The following EPG5 variants were observed in gnomAD, a reference collection of about 807,000 sequenced individuals.
EPG5 encodes ectopic P-granules 5 autophagy tethering factor.
Under a neutral mutation model 302.7 loss-of-function variants are expected in EPG5, and 159 were observed. That is an observed-to-expected ratio of 0.53 (90% CI 0.46 to 0.60). The LOEUF (loss-of-function observed/expected upper bound fraction) is 0.60. EPG5 is among the 20% of genes least tolerant of loss of function. The probability of loss-of-function intolerance (pLI) is 0.00; values close to 1 mark genes in which losing one functional copy is unlikely to be tolerated. For synonymous variants in EPG5, 1,158 were observed against 1,136.8 expected (o/e 1.02, Z -0.37); for missense variants, 2,896 against 3,092.4 (o/e 0.94, Z 1.51).
At chr18:45,875,930 G>A (rs570780429) in intron 35 of EPG5, among the ~76,000 whole-genome samples, 30 of 152,000 alleles carry the variant, frequency 2.0e-4, no homozygotes, top group African/African-American at 5.8e-4. Context: ...GGCGGCATGC[G>A]CTTGTAGTCC....
chr18:45,934,322 C>A (rs186340460), intron 11 of EPG5, among the ~76,000 whole-genome samples: 1 of 152,070 alleles, frequency 6.6e-6, no homozygotes, highest in East Asian at 1.9e-4. Context: ...AATAAATATC[C>A]TGTAGTTTAG....
In EPG5 at chr18:45,952,492, A is replaced by T. The variant is rs777287772; in HGVS notation, c.1160T>A (p.Val387Glu). Residue 387 changes from valine to glutamate, a missense_variant, in exon 3 of 44, where the codon GTG (valine) becomes GAG (glutamate). Coordinates refer to ENST00000282041, the MANE Select transcript of EPG5 (RefSeq NM_020964.3). ...QTLALHSYTS[V>E]LSRLQVESYI... The stretch of plus-strand genomic sequence containing the variant: ...AGACTCCACTTGCAATCTTGAGAGC[A>T]CAGAAGTATAAGAATGAAGGGCCAG... 3 of 1,614,108 alleles carry T rather than the reference A, an allele frequency of 1.9e-6. No homozygotes were observed. In the Admixed American group the frequency reaches 5.0e-5, roughly 27 times the overall value.
At chr18:45,945,039 GACCATTAAAAAGGACGCT>G (rs1204734434) in intron 7 of EPG5, among the ~76,000 whole-genome samples, 1 of 152,100 alleles carries the variant, frequency 6.6e-6, no homozygotes, top group Non-Finnish European at 1.5e-5. Context: ...CTTAGGACAT[GACCATTAAAAAGGACGCT>G]ACCATTAAAA....
rs781150178 is a variant in EPG5, at chr18:45,866,906, A to T, written c.6513T>A (p.His2171Gln). ...TTGCCAGGATGATGGACGGCGGGTA[A>T]TGGCTGCTGAAATAACTTAGCACAC... ...YQSVLSYFSS[H>Q]YPPSIILAKE... The change falls in exon 38 of 44, where the codon CAT (histidine) becomes CAA (glutamine). Residue 2171 changes from histidine to glutamine, a missense_variant. His to Gln is a conservative substitution (Grantham distance 24, BLOSUM62 0). Around this residue, in one of 5 missense-constraint regions of EPG5, gnomAD observed 620 missense variants for 704.2 expected, o/e 0.88. Coordinates refer to ENST00000282041, the MANE Select transcript of EPG5 (RefSeq NM_020964.3). 1 of 1,614,150 alleles carries T rather than the reference A, an allele frequency of 6.2e-7. No individual in the cohort carries two copies. The highest frequency in any genetic ancestry group is 8.5e-7 in the Non-Finnish European group (1 of 1,179,958).
Position 45,901,130 on chromosome 18 carries a change from C to T in EPG5, c.4512G>A (p.Glu1504=), listed in dbSNP as rs1383375601. 1 of 1,614,018 alleles carries T rather than the reference C, an allele frequency of 6.2e-7. No individual in the cohort carries two copies. Among genetic ancestry groups the T allele is most frequent in the African/African-American group, 1.3e-5 (1 of 74,922 alleles). Residue 1504 remains glutamate, a synonymous_variant, in exon 26 of 44, where the codon GAG becomes GAA. Transcript: ENST00000282041. ...GCAGAGCAAGGGGAGGCTGGGGAGC[C>T]TCATGCTTCCGCAAGTTACTTAAAA... ...ERVLSNLRKH[E]APQPPLALHP... is the part of the protein sequence containing the mutation.
chr18:45,876,304 G>A lies in EPG5; in HGVS notation c.5981C>T (p.Thr1994Ile), dbSNP rs777008903. Reference sequence around the variant, plus strand: ...CTGCACAATGCTTGAGGCCACCACAGTATCACTCTCTAGCCAGGGGTAATG... The same window carrying A: ...CTGCACAATGCTTGAGGCCACCACAATATCACTCTCTAGCCAGGGGTAATG... ...QRHYPWLESD[T>I]VVASSIVQLF... Residue 1994 changes from threonine (T) to isoleucine (I), a missense_variant, in exon 35 of 44, where the codon ACT becomes ATT. Thr to Ile is a moderately conservative substitution (Grantham distance 89). Around this residue, in one of 5 missense-constraint regions of EPG5, gnomAD observed 32 missense variants for 58.4 expected, o/e 0.55. Transcript: ENST00000282041. 59 of 1,613,924 alleles carry A rather than the reference G, an allele frequency of 3.7e-5. No individual in the cohort carries two copies. The highest frequency in any genetic ancestry group is 4.7e-5 in the Non-Finnish European group (55 of 1,179,954).
intron 10 of EPG5, among the ~76,000 whole-genome samples, chr18:45,938,651 T>C (rs115237510): frequency 0.016 from 2,454 of 152,252 alleles, 60 homozygotes; most frequent in African/African-American, 0.056. Flanking sequence ...AAAAGTCCTT[T>C]ATGGTTTAAA....
At chr18:45,899,732 C>A (rs974697937) in intron 26 of EPG5, among the ~76,000 whole-genome samples, 166 bp from the exon 27 acceptor site, 2 of 152,096 alleles carry the variant, frequency 1.3e-5, no homozygotes, top group Admixed American at 1.3e-4. Flanking sequence ...CAAATCATCC[C>A]CCAGCAGAGA....
chr18:45,916,553 T>G lies in EPG5; in HGVS notation c.3269A>C (p.His1090Pro). ...QFLSHLLLFL[H>P]LDSGVPQGVT... ...ACCCTGAGGGACACCGCTGTCCAAG[T>G]GTAGGAACAAGAGGAGATGCGATAA... The change falls in exon 18 of 44, where the codon CAC becomes CCC. Residue 1090 changes from histidine to proline, a missense_variant. By Grantham distance (77) the His-to-Pro change is moderately conservative (BLOSUM62 -2). Coordinates refer to ENST00000282041, the MANE Select transcript of EPG5 (RefSeq NM_020964.3). 1 of 1,608,674 alleles carries G rather than the reference T, an allele frequency of 6.2e-7. No individual in the cohort carries two copies. Among genetic ancestry groups the G allele is most frequent in the Non-Finnish European group, 8.5e-7 (1 of 1,175,546 alleles).
chr18:45,956,751 C>A (rs2051043121), intron 1 of EPG5, among the ~76,000 whole-genome samples: 1 of 151,604 alleles, frequency 6.6e-6, no homozygotes, highest in South Asian at 2.1e-4. Flanking sequence ...TAGTTTTAAT[C>A]ATTGTTCCAT....
chr18:45,929,833 C>T (rs1012167731), intron 12 of EPG5, among the ~76,000 whole-genome samples: 1 of 152,314 alleles, frequency 6.6e-6, no homozygotes, highest in Admixed American at 6.5e-5. Context: ...ATAGGAACAG[C>T]TGAATCAAGT....
At chr18:45,842,271 G>C in the EPG5 span, 1 of 1,503,944 alleles carries the variant, frequency 6.6e-7, no homozygotes, top group Non-Finnish European at 9.2e-7. Flanking sequence ...GCCAGTCCTG[G>C]TTCTCGGGCA....
chr18:45,952,667 AT>A, intron 2 of EPG5, 24 bp from the exon 3 acceptor site: 1 of 1,610,296 alleles, frequency 6.2e-7, no homozygotes, highest in Non-Finnish European at 8.5e-7. Context: ...AAAAGGTACA[AT>A]ATGAAACCAG....
At chr18:45,840,557 T>TC in the EPG5 span, among the ~76,000 whole-genome samples, 6 of 152,194 alleles carry the variant, frequency 3.9e-5, no homozygotes, top group Admixed American at 3.9e-4. Context: ...TCATCCCCGT[T>TC]CCCCCCTGGC....
rs180769570 is a variant in EPG5, at chr18:45,854,705, T to A, written c.7557+868A>T. On this transcript the variant is annotated intron_variant, in intron 43 of 43. Coordinates refer to ENST00000282041, the MANE Select transcript of EPG5 (RefSeq NM_020964.3). ...CGAGACCCAGTCTCTACAAAAAAAA[T>A]TTTTAATTAGCCAGGAGTGGCAATG... 9.0e-3 allele frequency among the ~76,000 whole-genome samples: 1,366 copies of A among 151,992 alleles called. 12 individuals carry two copies. The highest frequency in any genetic ancestry group is 0.031 in the African/African-American group (1,275 of 41,440).
At position 45,880,070 on chromosome 18, in the gene EPG5, C is replaced by T. The variant is rs763339983; in HGVS notation, c.5667+5G>A. ...CAAACACGTCAGAGACCAAAGGCTA[C>T]ACACCTGCTTGTCTGACAAGAGAGC... On this transcript the variant is annotated splice_donor_5th_base_variant and intron_variant, in intron 32 of 43. Transcript: ENST00000282041. The T allele has an allele frequency of 6.4e-7, 1 of 1,568,232 alleles. No homozygotes were observed. The highest frequency in any genetic ancestry group is 1.1e-5 in the South Asian group (1 of 87,670).
chr18:45,876,182 G>T, intron 35 of EPG5, 54 bp downstream of exon 35: 1 of 1,243,156 alleles, frequency 8.0e-7, no homozygotes, highest in South Asian at 1.2e-5. Flanking sequence ...GAAAAAGACT[G>T]ACTGACTTAG....
At chr18:45,935,644 G>A (rs2050506927) in intron 10 of EPG5, among the ~76,000 whole-genome samples, 1 of 152,158 alleles carries the variant, frequency 6.6e-6, no homozygotes, top group African/African-American at 2.4e-5. Context: ...GTGGCAGAGA[G>A]GCCAGCTGTG....
At position 45,912,121 on chromosome 18, in the gene EPG5, T is replaced by C. The variant is rs542890523; in HGVS notation, c.3983+169A>G. Among the ~76,000 whole-genome samples, 27 of 150,612 alleles carry C rather than the reference T, an allele frequency of 1.8e-4. 1 individual carries two copies. The highest frequency in any genetic ancestry group is 8.4e-4 in the South Asian group (4 of 4,756). On this transcript the variant is annotated intron_variant, in intron 22 of 43. Coordinates refer to ENST00000282041, the MANE Select transcript of EPG5 (RefSeq NM_020964.3). ...CTGCCACAAGACACCAGCAACTCAA[T>C]AAAGATCCAGTCTAATAAATGTCAA...
Sources: gnomAD v4.1 joint callset for allele counts (sites outside exome capture counted in the v4.1 genomes callset) on GRCh38, gnomAD v4.1.1 for gene constraint, gnomAD v4.1.1 regional missense constraint, MANE v1.5 for transcripts, NCBI Gene and HGNC (gene_info 2026-07-23, HGNC 2026-07-21) for gene names.